The following SGSM1 variants were observed in gnomAD, a reference collection of about 807,000 sequenced individuals.
The protein encoded by SGSM1 is small G protein signaling modulator 1, also known as RUN and TBC1 domain containing 2.
Under a neutral mutation model 133.8 loss-of-function variants are expected in SGSM1, and 73 were observed. The observed-to-expected ratio is 0.55, with a 90% CI of 0.45 to 0.66. The LOEUF is 0.66. SGSM1 is among the 30% of genes least tolerant of loss of function. The pLI, the probability that SGSM1 is intolerant of heterozygous loss-of-function variation, is 0.00. For missense variants in SGSM1, 1,213 were observed against 1,448.1 expected (o/e 0.84, Z 2.64); for synonymous variants, 563 against 573.0 (o/e 0.98, Z 0.25).
At chr22:24,853,581 C>T (rs1930600356) in intron 5 of SGSM1, among the ~76,000 whole-genome samples, 1 of 151,816 alleles carries the variant, frequency 6.6e-6, no homozygotes, top group African/African-American at 2.4e-5. Flanking sequence ...CTGGGAAGGC[C>T]TCAGAATCAT....
At chr22:24,872,172 A>G (rs780603763) in intron 12 of SGSM1, among the ~76,000 whole-genome samples, 1 of 152,302 alleles carries the variant, frequency 6.6e-6, no homozygotes, top group East Asian at 1.9e-4. Flanking sequence ...CCTTAAATAT[A>G]AAGGATTTCA....
chr22:24,881,288 C>G (rs752384692), intron 14 of SGSM1, among the ~76,000 whole-genome samples: 1 of 145,164 alleles, frequency 6.9e-6, no homozygotes, highest in Non-Finnish European at 1.5e-5. Flanking sequence ...AACTCTGGGC[C>G]GGGCGTGGTG....
chr22:24,917,706 A>G lies in SGSM1; in HGVS notation c.2977A>G (p.Thr993Ala). ...GCTGATGCATCAGAACGGGGACTAT[A>G]CTCACTTCTACTTCTGCTACCGCTG... is the stretch of plus-strand genomic sequence containing the variant. Reference protein sequence around the residue: ...FELMHQNGDYTHFYFCYRWFL... With the variant: ...FELMHQNGDYAHFYFCYRWFL... Residue 993 changes from threonine (T) to alanine (A), a missense_variant, in exon 23 of 25, where the codon ACT becomes GCT. Transcript: ENST00000400358. 6.2e-7 allele frequency: 1 copy of G among 1,613,806 alleles called. No individual in the cohort carries two copies. Among genetic ancestry groups the G allele is most frequent in the Non-Finnish European group, 8.5e-7 (1 of 1,179,906 alleles).
chr22:24,887,532 G>A (rs1443602262), intron 16 of SGSM1, among the ~76,000 whole-genome samples: 1 of 152,168 alleles, frequency 6.6e-6, no homozygotes, highest in Non-Finnish European at 1.5e-5. Flanking sequence ...TACAAATCAA[G>A]CTGTAATGAA....
At chr22:24,911,747 C>T (rs191562660) in intron 21 of SGSM1, among the ~76,000 whole-genome samples, 1 of 152,268 alleles carries the variant, frequency 6.6e-6, no homozygotes, top group African/African-American at 2.4e-5. Context: ...AAATACCTGA[C>T]CAGTACGCCT....
At chr22:24,860,717 A>G (rs911604457) in intron 9 of SGSM1, among the ~76,000 whole-genome samples, 5 of 150,588 alleles carry the variant, frequency 3.3e-5, no homozygotes, top group Admixed American at 2.6e-4. Context: ...CCTGGCCAAC[A>G]TGGTGAAACC....
intron 12 of SGSM1, 78 bp from the exon 13 acceptor site, chr22:24,876,499 T>A: frequency 6.3e-7 from 1 of 1,579,088 alleles, no homozygotes; most frequent in Non-Finnish European, 8.6e-7. Context: ...GTGAGCTGCT[T>A]GCTCTAGGGT....
At chr22:24,846,434 A>C (rs1250897725) in intron 3 of SGSM1, among the ~76,000 whole-genome samples, 3 of 152,004 alleles carry the variant, frequency 2.0e-5, no homozygotes, top group African/African-American at 4.8e-5. Context: ...CCAGTTTTTT[A>C]TGTGTTCCTG....
chr22:24,910,402 C>T (rs558465613), intron 21 of SGSM1, among the ~76,000 whole-genome samples: 3 of 152,248 alleles, frequency 2.0e-5, no homozygotes, highest in Admixed American at 2.0e-4. Flanking sequence ...ACCTATAATC[C>T]TAGCACTTTG....
chr22:24,843,877 G>C (rs529954791), intron 2 of SGSM1: 3 of 152,336 alleles, frequency 2.0e-5, no homozygotes, highest in African/African-American at 7.2e-5. Context: ...ACCTGTCTCT[G>C]ATAGCCAGCT....
chr22:24,847,782 G>A lies in SGSM1; in HGVS notation c.288G>A (p.Gln96=). 1 of 1,613,872 alleles carries A rather than the reference G, an allele frequency of 6.2e-7. No individual in the cohort carries two copies. The highest frequency in any genetic ancestry group is 8.5e-7 in the Non-Finnish European group (1 of 1,179,864). ...DLSRKVQDLE[Q]LIESARNQIQ... ...GCCGCAAGGTGCAAGACCTGGAGCA[G>A]CTGATCGAGAGCGCGTGAGTGCAAA... The change falls in exon 4 of 25, where the codon CAG becomes CAA. Residue 96 remains glutamine (Q), a synonymous_variant. Transcript: ENST00000400358.
At chr22:24,818,223 C>T (rs1928229745) in intron 2 of SGSM1, among the ~76,000 whole-genome samples, 1 of 150,564 alleles carries the variant, frequency 6.6e-6, no homozygotes, top group Non-Finnish European at 1.5e-5. Context: ...CAGAGCAAGA[C>T]TCTGTCTCAA....
At chr22:24,891,556 G>A (rs1424726353) in intron 16 of SGSM1, among the ~76,000 whole-genome samples, 1 of 152,146 alleles carries the variant, frequency 6.6e-6, no homozygotes, top group Admixed American at 6.5e-5. Context: ...CTAGTGTGAG[G>A]CCCCTCCACA....
chr22:24,851,782 G>A (rs1391592109), intron 5 of SGSM1, among the ~76,000 whole-genome samples: 1 of 152,216 alleles, frequency 6.6e-6, no homozygotes, highest in African/African-American at 2.4e-5. Flanking sequence ...CATTTGAAGA[G>A]CATGGAGGCA....
In SGSM1 at chr22:24,855,362, G is replaced by A. The variant is rs1281453328; in HGVS notation, c.601G>A (p.Val201Ile). 1 of 1,613,502 alleles carries A rather than the reference G, an allele frequency of 6.2e-7. No individual in the cohort carries two copies. Among genetic ancestry groups the A allele is most frequent in the Non-Finnish European group, 8.5e-7 (1 of 1,179,770 alleles). Residue 201 changes from valine to isoleucine, a missense_variant, in exon 7 of 25, where the codon GTC becomes ATC. By Grantham distance (29) the Val-to-Ile change is conservative. Coordinates refer to ENST00000400358, the MANE Select transcript of SGSM1 (RefSeq NM_001098497.3). The part of the protein sequence containing the change: ...FWTDPSADEL[V>I]QRHRIHSSHV... Reference sequence around the variant, plus strand: ...GACCGATCCCTCGGCTGACGAACTTGTCCAGAGGCACCGCATCCACAGCTC... The same window carrying A: ...GACCGATCCCTCGGCTGACGAACTTATCCAGAGGCACCGCATCCACAGCTC...
At chr22:24,922,000 C>A (rs1934027438) in intron 24 of SGSM1, among the ~76,000 whole-genome samples, 1 of 151,914 alleles carries the variant, frequency 6.6e-6, no homozygotes, top group Non-Finnish European at 1.5e-5. Flanking sequence ...CGTGCCTAGC[C>A]AATAATACAT....
intron 13 of SGSM1, among the ~76,000 whole-genome samples, chr22:24,877,014 C>G (rs1032500079): frequency 6.6e-6 from 1 of 152,124 alleles, no homozygotes; most frequent in Non-Finnish European, 1.5e-5. Context: ...CTGTTTTTTC[C>G]ACACTAAAGG....
chr22:24,833,555 G>A (rs897648881), intron 2 of SGSM1, among the ~76,000 whole-genome samples: 4 of 152,024 alleles, frequency 2.6e-5, no homozygotes, highest in African/African-American at 9.7e-5. Flanking sequence ...CTACTTGGGA[G>A]GCTGAGGCAG....
At chr22:24,900,338 CTCTTCTTTCTTTCTT>C (rs1933088716) in intron 19 of SGSM1, among the ~76,000 whole-genome samples, 1 of 134,058 alleles carries the variant, frequency 7.5e-6, no homozygotes, top group Admixed American at 7.2e-5. Flanking sequence ...TATTGTTAAC[CTCTTCTTTCTTTCTT>C]TCTTTCTTTC....
Sources: gnomAD v4.1 joint callset for allele counts (sites outside exome capture counted in the v4.1 genomes callset) on GRCh38, gnomAD v4.1.1 for gene constraint, MANE v1.5 for transcripts, NCBI Gene and HGNC (gene_info 2026-07-23, HGNC 2026-07-21) for gene names.